The following GTF2IRD1 variants were observed in gnomAD, a reference collection of about 807,000 sequenced individuals.
GTF2IRD1 encodes the protein GTF2I repeat domain containing 1, also known as general transcription factor II-I repeat domain-containing protein 1.
Under a neutral mutation model 113.2 loss-of-function variants are expected in GTF2IRD1, and 26 were observed. The observed-to-expected ratio is 0.23, with a 90% confidence interval of 0.17 to 0.32. The LOEUF is 0.32. GTF2IRD1 is among the 10% of genes least tolerant of loss of function. The probability of loss-of-function intolerance (pLI) is 1.00; values close to 1 mark genes in which losing one functional copy is unlikely to be tolerated. For synonymous variants in GTF2IRD1, 484 were observed against 529.1 expected (o/e 0.91, Z 1.17); for missense variants, 864 against 1,280.8 (o/e 0.67, Z 4.97).
rs187304961 is a variant in GTF2IRD1, at chr7:74,567,182, G to A, written c.2320+7527G>A. On this transcript the variant is annotated intron_variant, in intron 22 of 26. Coordinates refer to ENST00000424337, the MANE Select transcript of GTF2IRD1 (RefSeq NM_005685.4). ...GTCTCTACTAAAAATACAAAAATTC[G>A]CTGGGCATGGTGGCGCATGCCTGTA... 7.9e-5 allele frequency among the ~76,000 whole-genome samples: 12 copies of A among 152,086 alleles called. No homozygotes were observed. The South Asian group carries it at 8.3e-4, about 11-fold the overall frequency.
rs111471078 is a variant in GTF2IRD1, at chr7:74,601,086, C to T, written c.2672C>T (p.Ser891Leu). 336 of 1,614,002 alleles carry T rather than the reference C, an allele frequency of 2.1e-4. No homozygotes were observed. Among genetic ancestry groups the T allele is most frequent in the Middle Eastern group, 3.3e-4 (2 of 6,084 alleles). The change falls in exon 26 of 27, where the codon TCG (serine) becomes TTG (leucine). Residue 891 changes from serine (S) to leucine (L), a missense_variant. Ser to Leu is a moderately radical substitution (Grantham distance 145, BLOSUM62 -2). Coordinates refer to ENST00000424337, the MANE Select transcript of GTF2IRD1 (RefSeq NM_005685.4). ...CCCAAGCGCAAGAGAAAGCGGGTCT[C>T]GGAAGGAAATTCCGTCTCCTCTTCC... ...SIPKRKRKRV[S>L]EGNSVSSSSS...
chr7:74,478,453 G>C (rs1333471678), intron 1 of GTF2IRD1, among the ~76,000 whole-genome samples: 5 of 110,090 alleles, frequency 4.5e-5, no homozygotes, highest in African/African-American at 2.2e-4. Context: ...TTTGAGCATT[G>C]TGTGTGTGTG....
intron 1 of GTF2IRD1, among the ~76,000 whole-genome samples, chr7:74,490,503 G>T (rs992366401): frequency 1.3e-5 from 2 of 151,570 alleles, no homozygotes; most frequent in Admixed American, 6.6e-5. Context: ...TAGAGAGGGA[G>T]TATTCAGAGG....
intron 22 of GTF2IRD1, among the ~76,000 whole-genome samples, chr7:74,578,634 G>A (rs1328153027): frequency 6.6e-6 from 1 of 152,134 alleles, no homozygotes; most frequent in Non-Finnish European, 1.5e-5. Flanking sequence ...TTACCATGAT[G>A]CAATTCCTCT....
At chr7:74,456,506 A>AC (rs1195892322) in intron 1 of GTF2IRD1, among the ~76,000 whole-genome samples, 3 of 151,898 alleles carry the variant, frequency 2.0e-5, no homozygotes, top group Non-Finnish European at 4.4e-5. Context: ...ACATGGTGAA[A>AC]CCCCATCTCT....
At chr7:74,516,583 C>A (rs1383813139) in intron 4 of GTF2IRD1, among the ~76,000 whole-genome samples, 1 of 150,924 alleles carries the variant, frequency 6.6e-6, no homozygotes, top group African/African-American at 2.5e-5. Flanking sequence ...GGCTTTATCC[C>A]TTCTCCTACT....
chr7:74,467,366 G>T (rs1202615540), intron 1 of GTF2IRD1, among the ~76,000 whole-genome samples: 1 of 152,202 alleles, frequency 6.6e-6, no homozygotes, highest in East Asian at 1.9e-4. Flanking sequence ...GATGGCAGTG[G>T]GGGCAGCTTG....
intron 16 of GTF2IRD1, among the ~76,000 whole-genome samples, chr7:74,546,190 A>C (rs1470740308): frequency 6.6e-6 from 1 of 150,638 alleles, no homozygotes; most frequent in Admixed American, 6.6e-5. Flanking sequence ...TGTGCCGGGC[A>C]TGAGGCTAGG....
intron 9 of GTF2IRD1, among the ~76,000 whole-genome samples, 186 bp downstream of exon 9, chr7:74,530,103 G>A (rs1797871384): frequency 6.6e-6 from 1 of 152,064 alleles, no homozygotes; most frequent in African/African-American, 2.4e-5. Flanking sequence ...CCAGCTACTT[G>A]GGACGCTGAG....
At chr7:74,554,359 A>G (rs1179314544) in intron 17 of GTF2IRD1, among the ~76,000 whole-genome samples, 1 of 152,150 alleles carries the variant, frequency 6.6e-6, no homozygotes, top group Non-Finnish European at 1.5e-5. Flanking sequence ...AGGTTGACTC[A>G]TGTCTGGACA....
At chr7:74,491,029 C>A (rs184955538) in intron 1 of GTF2IRD1, among the ~76,000 whole-genome samples, 1 of 152,068 alleles carries the variant, frequency 6.6e-6, no homozygotes, top group Non-Finnish European at 1.5e-5. Flanking sequence ...AATTTCAGGC[C>A]GAGTGCGGTG....
At chr7:74,477,818 C>T (rs961453556) in intron 1 of GTF2IRD1, among the ~76,000 whole-genome samples, 2 of 152,134 alleles carry the variant, frequency 1.3e-5, no homozygotes, top group African/African-American at 2.4e-5. Flanking sequence ...AGATCACCCA[C>T]GAGTAATGGG....
At chr7:74,582,275 A>T (rs1341829561) in intron 22 of GTF2IRD1, among the ~76,000 whole-genome samples, 1 of 152,188 alleles carries the variant, frequency 6.6e-6, no homozygotes, top group African/African-American at 2.4e-5. Context: ...CAGACACGGC[A>T]GGGGACAGGG....
intron 1 of GTF2IRD1, among the ~76,000 whole-genome samples, chr7:74,480,894 T>C (rs1554334504): frequency 6.6e-6 from 1 of 152,036 alleles, no homozygotes; most frequent in African/African-American, 2.4e-5. Flanking sequence ...GTCCTCCACG[T>C]GGAGGAAGGA....
intron 22 of GTF2IRD1, among the ~76,000 whole-genome samples, chr7:74,565,563 G>A (rs186201373): frequency 2.0e-5 from 3 of 152,248 alleles, no homozygotes; most frequent in East Asian, 1.9e-4. Flanking sequence ...GACAGCTAAC[G>A]GGGGCTGTTC....
chr7:74,493,763 G>A (rs1473988198), intron 1 of GTF2IRD1, among the ~76,000 whole-genome samples: 8 of 151,976 alleles, frequency 5.3e-5, no homozygotes, highest in Admixed American at 5.2e-4. Context: ...CATATATCTA[G>A]GCTGGAGTGC....
chr7:74,571,284 T>C (rs1800681365), intron 22 of GTF2IRD1: 1 of 174,684 alleles, frequency 5.7e-6, no homozygotes, highest in Admixed American at 6.5e-5. Context: ...CATGACCAGG[T>C]GAGAAGGAGG....
chr7:74,504,275 T>G (rs1796187037), intron 1 of GTF2IRD1, among the ~76,000 whole-genome samples: 1 of 152,164 alleles, frequency 6.6e-6, no homozygotes, highest in Non-Finnish European at 1.5e-5. Context: ...GGATGGACAT[T>G]TGGGATATTT....
At chr7:74,482,818 G>A (rs576906684) in intron 1 of GTF2IRD1, among the ~76,000 whole-genome samples, 6 of 152,258 alleles carry the variant, frequency 3.9e-5, no homozygotes, top group Non-Finnish European at 7.4e-5. Context: ...GTGGTGTTGC[G>A]TGTCTTTGTG....
Sources: allele counts gnomAD v4.1 joint callset (sites outside exome capture counted in the v4.1 genomes callset), GRCh38; gene constraint gnomAD v4.1.1; transcripts MANE v1.5; gene names NCBI Gene and HGNC (gene_info 2026-07-23, HGNC 2026-07-21).